DACH1: variants seen among roughly 807,000 people sequenced by gnomAD.
DACH1 encodes the protein dachshund family transcription factor 1.
In DACH1, 12 loss-of-function variants were observed where a neutral mutation model predicts 54.2. The ratio of observed to expected loss-of-function variants is 0.22; its 90% CI spans 0.14 to 0.36. The LOEUF (loss-of-function observed/expected upper bound fraction) is 0.36. Among genes scored for constraint, DACH1 ranks in the 10% least tolerant of loss-of-function variants. The probability of loss-of-function intolerance (pLI) is 1.00; values close to 1 mark genes in which losing one functional copy is unlikely to be tolerated. For synonymous variants in DACH1, 386 were observed against 366.2 expected, an observed-to-expected ratio of 1.05 and a Z score of -0.62; for missense variants, 805 against 929.8, an observed-to-expected ratio of 0.87 and a Z score of 1.75.
At chr13:71,862,000 T>C (rs1328337630) in intron 1 of DACH1, among the ~76,000 whole-genome samples, 1 of 150,936 alleles carries the variant, frequency 6.6e-6, no homozygotes, top group Non-Finnish European at 1.5e-5. Flanking sequence ...TACTGAAACA[T>C]AAAACACTTT....
At chr13:71,590,126 A>G (rs1286576649) in intron 3 of DACH1, among the ~76,000 whole-genome samples, 1 of 152,126 alleles carries the variant, frequency 6.6e-6, no homozygotes, top group Non-Finnish European at 1.5e-5. Context: ...GATTAAAAAC[A>G]TAAAGCATTC....
chr13:71,812,986 A>G (rs1241268353), intron 1 of DACH1, among the ~76,000 whole-genome samples: 2 of 152,132 alleles, frequency 1.3e-5, no homozygotes, highest in Non-Finnish European at 2.9e-5. Context: ...CTTTCATACC[A>G]TCACTGCCTA....
intron 6 of DACH1, among the ~76,000 whole-genome samples, chr13:71,538,189 G>A (rs557042399): frequency 6.6e-6 from 1 of 152,090 alleles, no homozygotes; most frequent in South Asian, 2.1e-4. Context: ...AAATGGAACC[G>A]ATTCAAATAA....
At chr13:71,747,046 T>G (rs1239903538) in intron 1 of DACH1, among the ~76,000 whole-genome samples, 1 of 152,122 alleles carries the variant, frequency 6.6e-6, no homozygotes, top group Admixed American at 6.6e-5. Flanking sequence ...AATAGCTATA[T>G]CTATCAACTA....
rs536694597 is a variant in DACH1 at position 71,796,963 on chromosome 13, A to T, written c.848+68959T>A. On this transcript the variant is annotated intron_variant, in intron 1 of 10. Coordinates refer to ENST00000613252, the MANE Select transcript of DACH1 (RefSeq NM_080759.6). Reference sequence around the variant, plus strand: ...CAGCTATTATTTCTCCATGGTAAGAAATATTAATATTATATTTCTTTGTTT... The same window carrying T: ...CAGCTATTATTTCTCCATGGTAAGATATATTAATATTATATTTCTTTGTTT... 7.4e-4 allele frequency among the ~76,000 whole-genome samples: 113 copies of T among 152,018 alleles called. 1 individual carries two copies. The highest frequency in any genetic ancestry group is 3.4e-3 in the Middle Eastern group (1 of 292).
intron 1 of DACH1, among the ~76,000 whole-genome samples, chr13:71,834,642 G>A (rs758252762): frequency 1.3e-5 from 2 of 151,918 alleles, no homozygotes; most frequent in Non-Finnish European, 2.9e-5. Flanking sequence ...GCCTATGTTT[G>A]ACCAATTCTC....
chr13:71,709,021 T>G (rs1882586812), intron 1 of DACH1, among the ~76,000 whole-genome samples: 2 of 151,596 alleles, frequency 1.3e-5, no homozygotes, highest in Non-Finnish European at 2.9e-5. Context: ...CCCGACTAAT[T>G]TTTTTGTATT....
rs117236754 is a variant in DACH1, at chr13:71,491,596, G to C, written c.1571-2448C>G. ...ATGTACATAAGAAATTAGCAAATTTGGGGCAGAATGTTTAAGAAGCGAAAA... is the reference window on the plus strand; with the variant it reads ...ATGTACATAAGAAATTAGCAAATTTCGGGCAGAATGTTTAAGAAGCGAAAA... On this transcript the variant is annotated intron_variant, in intron 6 of 10. Transcript: ENST00000613252. 4.4e-3 allele frequency among the ~76,000 whole-genome samples: 673 copies of C among 152,232 alleles called. 4 individuals carry two copies. The highest frequency in any genetic ancestry group is 7.5e-3 in the Non-Finnish European group (510 of 67,996).
At chr13:71,448,404 A>G (rs1874663241) in intron 10 of DACH1, among the ~76,000 whole-genome samples, 2 of 152,232 alleles carry the variant, frequency 1.3e-5, no homozygotes, top group African/African-American at 4.8e-5. Context: ...GATTCATGTG[A>G]TATTTGATAA....
At chr13:71,635,545 G>A (rs549779248) in intron 2 of DACH1, among the ~76,000 whole-genome samples, 1 of 152,230 alleles carries the variant, frequency 6.6e-6, no homozygotes, top group Admixed American at 6.5e-5. Context: ...TAAGTCTTTG[G>A]TCTATACTAA....
intron 3 of DACH1, among the ~76,000 whole-genome samples, chr13:71,588,285 T>C (rs1437789640): frequency 6.6e-6 from 1 of 152,090 alleles, no homozygotes; most frequent in Non-Finnish European, 1.5e-5. Flanking sequence ...GGACTTTGTT[T>C]TCAATATCCT....
At chr13:71,621,216 A>T (rs888213593) in intron 3 of DACH1, among the ~76,000 whole-genome samples, 1 of 151,988 alleles carries the variant, frequency 6.6e-6, no homozygotes, top group African/African-American at 2.4e-5. Flanking sequence ...TTTTGGCCGA[A>T]CAATTTATCA....
intron 1 of DACH1, among the ~76,000 whole-genome samples, chr13:71,809,989 T>C (rs1367853857): frequency 1.3e-5 from 2 of 152,090 alleles, no homozygotes; most frequent in Non-Finnish European, 2.9e-5. Context: ...GACAATGCTG[T>C]GTGTGTGTAT....
At chr13:71,646,862 A>G (rs1203392622) in intron 2 of DACH1, among the ~76,000 whole-genome samples, 1 of 152,230 alleles carries the variant, frequency 6.6e-6, no homozygotes, top group Non-Finnish European at 1.5e-5. Flanking sequence ...CAATTGCAAT[A>G]AAATATCCAT....
At chr13:71,697,198 G>A (rs903894009) in intron 1 of DACH1, among the ~76,000 whole-genome samples, 4 of 152,132 alleles carry the variant, frequency 2.6e-5, no homozygotes, top group African/African-American at 9.7e-5. Flanking sequence ...CCATTTTAGA[G>A]GAGCAATGTT....
chr13:71,771,785 TACAC>T lies in DACH1; in HGVS notation c.849-89879_849-89876del, dbSNP rs200219974. ...CCATATCATTACACACACACACACA[TACAC>T]ACACACTCTTTATCTCACTAAGAAA... On this transcript the variant is annotated intron_variant, in intron 1 of 10. Transcript: ENST00000613252. 6.6e-3 allele frequency among the ~76,000 whole-genome samples: 983 copies of T among 149,238 alleles called. 14 individuals are homozygous for T. The highest frequency in any genetic ancestry group is 0.023 in the African/African-American group (920 of 40,340).
At chr13:71,640,316 G>T (rs562811540) in intron 2 of DACH1, among the ~76,000 whole-genome samples, 96 of 151,994 alleles carry the variant, frequency 6.3e-4, no homozygotes, top group African/African-American at 2.1e-3. Flanking sequence ...CTAAATGTTT[G>T]TGTTTCAGTT....
At chr13:71,609,016 T>C (rs1242121400) in intron 3 of DACH1, among the ~76,000 whole-genome samples, 7 of 152,156 alleles carry the variant, frequency 4.6e-5, no homozygotes, top group Non-Finnish European at 1.0e-4. Flanking sequence ...TTTGTTTGCT[T>C]TCTTTTGCTT....
At chr13:71,479,734 C>A (rs1304029977) in intron 7 of DACH1, among the ~76,000 whole-genome samples, 3 of 152,156 alleles carry the variant, frequency 2.0e-5, no homozygotes, top group African/African-American at 4.8e-5. Context: ...CAGTGCTCAC[C>A]TTTCTCCTCA....
Sources: gnomAD v4.1 joint callset for allele counts (sites outside exome capture counted in the v4.1 genomes callset) on GRCh38, gnomAD v4.1.1 for gene constraint, MANE v1.5 for transcripts, NCBI Gene and HGNC (gene_info 2026-07-23, HGNC 2026-07-21) for gene names.